The following C18orf32 variants were observed in gnomAD, a reference collection of about 807,000 sequenced individuals.
The protein encoded by C18orf32 is UPF0729 protein C18orf32.
C18orf32 carries 5 observed loss-of-function variants against 7.4 expected under a neutral mutation model. That is an observed-to-expected ratio of 0.68 (90% CI 0.35 to 1.42). C18orf32 has a LOEUF of 1.42. Among genes scored for constraint, C18orf32 ranks in the 40% most tolerant of loss-of-function variants. The pLI, the probability that C18orf32 is intolerant of heterozygous loss-of-function variation, is 0.04. For synonymous variants in C18orf32, 30 were observed against 29.3 expected (o/e 1.02, Z -0.08); for missense variants, 88 against 92.4 (o/e 0.95, Z 0.19).
chr18:49,486,123 A>G (rs568625698), intron 1 of C18orf32: 17 of 150,904 alleles, frequency 1.1e-4, no homozygotes, highest in Non-Finnish European at 2.2e-4. Context: ...TAACCTGTCC[A>G]AAGTTCTCAC....
rs575974403 is a variant in C18orf32 at position 49,478,869 on chromosome 18, G to A, written c.*3476C>T. Reference sequence around the variant, plus strand: ...TTCATAAAATTAACACTTTTCATACGCTTATTCAAACTGATGGCTATTTTT... The same window carrying A: ...TTCATAAAATTAACACTTTTCATACACTTATTCAAACTGATGGCTATTTTT... On this transcript the variant is annotated 3_prime_UTR_variant, in exon 3 of 3. Coordinates refer to ENST00000318240, the MANE Select transcript of C18orf32 (RefSeq NM_001035005.4). The A allele has an allele frequency of 1.3e-4, 18 of 141,050 alleles. No homozygotes were observed. The highest frequency in any genetic ancestry group is 6.2e-4 in the South Asian group (3 of 4,816). The allele number at this position is 141,050 out of a possible 1,614,324, so 8.7% of individuals were successfully genotyped here.
Position 49,481,511 on chromosome 18 carries a change from C to G in C18orf32, c.*834G>C, listed in dbSNP as rs1385920993. The G allele has an allele frequency of 1.3e-5, 2 of 152,272 alleles. No homozygotes were observed. Among genetic ancestry groups the G allele is most frequent in the Non-Finnish European group, 2.9e-5 (2 of 68,102 alleles). The allele number at this position is 152,272 out of a possible 1,614,324, so 9.4% of individuals were successfully genotyped here. ...GTCGAGTCACTGCTGCTGAAAACCA[C>G]TAAATTTTGGAGTGTCTTGTTACGC... is the stretch of plus-strand genomic sequence containing the variant. On this transcript the variant is annotated 3_prime_UTR_variant, in exon 3 of 3. Coordinates refer to ENST00000318240, the MANE Select transcript of C18orf32 (RefSeq NM_001035005.4).
At chr18:49,484,135 A>G (rs2083703189) in intron 1 of C18orf32, among the ~76,000 whole-genome samples, 1 of 67,248 alleles carries the variant, frequency 1.5e-5, no homozygotes, top group Admixed American at 1.8e-4. Flanking sequence ...TCTCAAAAAA[A>G]GAAAAAAAAA....
chr18:49,485,933 G>C (rs2083737450), intron 1 of C18orf32: 1 of 151,642 alleles, frequency 6.6e-6, no homozygotes, highest in Non-Finnish European at 1.5e-5. Context: ...TAAATAATTA[G>C]CAAGGTGTGA....
In C18orf32 at chr18:49,479,033, T is replaced by C. The variant is rs1385152219; in HGVS notation, c.*3312A>G. 6.6e-6 allele frequency: 1 copy of C among 152,108 alleles called. No individual in the cohort carries two copies. The highest frequency in any genetic ancestry group is 1.5e-5 in the Non-Finnish European group (1 of 68,030). 9.4% of individuals were successfully genotyped at this position (152,108 alleles called of 1,614,324 possible). Reference sequence around the variant, plus strand: ...GGCAATTGCATACTAGCCACCCCTATCCTGCTTTTAAAATGTTGCTAGTAT... The same window carrying C: ...GGCAATTGCATACTAGCCACCCCTACCCTGCTTTTAAAATGTTGCTAGTAT... On this transcript the variant is annotated 3_prime_UTR_variant, in exon 3 of 3. Coordinates refer to ENST00000318240, the MANE Select transcript of C18orf32 (RefSeq NM_001035005.4).
chr18:49,483,662 G>T lies in C18orf32; in HGVS notation c.87C>A (p.Ser29=). ...FLEPYIYPLV[S]PFVSRIWPKK... is the part of the protein sequence containing the mutation. ...TAGGCCATATACGACTAACGAAGGG[G>T]GAAACCAGAGGGTATATATATGGCT... Residue 29 remains serine, a synonymous_variant, in exon 2 of 3, where the codon TCC becomes TCA. Transcript: ENST00000318240. 1 of 1,613,770 alleles carries T rather than the reference G, an allele frequency of 6.2e-7. No individual in the cohort carries two copies. Among genetic ancestry groups the T allele is most frequent in the Non-Finnish European group, 8.5e-7 (1 of 1,179,944 alleles).
At position 49,478,556 on chromosome 18, in the gene C18orf32, C is replaced by G. The variant is rs2148806085; in HGVS notation, c.*3789G>C. The stretch of plus-strand genomic sequence containing the variant: ...TGGGATTATAGGCTTGAGTCACCGC[C>G]TCCGGTGGATCCTGTTTTCTTGACT... On this transcript the variant is annotated 3_prime_UTR_variant, in exon 3 of 3. Coordinates refer to ENST00000318240, the MANE Select transcript of C18orf32 (RefSeq NM_001035005.4). 1 of 150,622 alleles carries G rather than the reference C, an allele frequency of 6.6e-6. No homozygotes were observed. Among genetic ancestry groups the G allele is most frequent in the East Asian group, 1.9e-4 (1 of 5,172 alleles). 9.3% of individuals were successfully genotyped at this position (150,622 alleles called of 1,614,324 possible).
rs1225006732 is a variant in C18orf32, at chr18:49,479,678, T to C, written c.*2667A>G. ...ACAGTGACTTCTGGCTGAGGAACAG[T>C]TGGCCTGAGGTGACCTTGCAGAGAG... On this transcript the variant is annotated 3_prime_UTR_variant, in exon 3 of 3. Transcript: ENST00000318240. The C allele has an allele frequency of 6.6e-6, 1 of 152,302 alleles. No individual in the cohort carries two copies. Among genetic ancestry groups the C allele is most frequent in the Non-Finnish European group, 1.5e-5 (1 of 68,154 alleles). 9.4% of individuals were successfully genotyped at this position (152,302 alleles called of 1,614,324 possible).
In C18orf32 at chr18:49,480,733, T is replaced by TA. The variant is rs1449558679; in HGVS notation, c.*1611_*1612insT. ...CCATAGAGAGCCGTGATCATGCTGC[T>TA]GCACTCCAGCTTGAGTGACAGAGTG... is the stretch of plus-strand genomic sequence containing the variant. On this transcript the variant is annotated 3_prime_UTR_variant, in exon 3 of 3. Transcript: ENST00000318240. The TA allele has an allele frequency of 2.0e-5, 3 of 152,236 alleles. No individual in the cohort carries two copies. Among genetic ancestry groups the TA allele is most frequent in the African/African-American group, 7.2e-5 (3 of 41,456 alleles). 9.4% of individuals were successfully genotyped at this position (152,236 alleles called of 1,614,324 possible).
At chr18:49,485,282 C>G (rs545361391) in intron 1 of C18orf32, among the ~76,000 whole-genome samples, 2 of 151,758 alleles carry the variant, frequency 1.3e-5, no homozygotes, top group Non-Finnish European at 2.9e-5. Flanking sequence ...AGGCTGGGCG[C>G]GGTGGCTCAC....
At chr18:49,484,488 G>A (rs1477425508) in intron 1 of C18orf32, 1 of 151,842 alleles carries the variant, frequency 6.6e-6, no homozygotes, top group African/African-American at 2.4e-5. Context: ...CTACTCGGAA[G>A]GCTGAGGCAG....
In C18orf32 at chr18:49,482,274, C is replaced by A. The variant is rs2083670091; in HGVS notation, c.*71G>T. On this transcript the variant is annotated 3_prime_UTR_variant, in exon 3 of 3. Transcript: ENST00000318240. The stretch of plus-strand genomic sequence containing the variant: ...CGGTCTCAGATAAAAAGGTCAGAGA[C>A]AATTACAAGGAAGATGCTTCATATT... 1 of 1,080,004 alleles carries A rather than the reference C, an allele frequency of 9.3e-7. No homozygotes were observed. Among genetic ancestry groups the A allele is most frequent in the South Asian group, 1.3e-5 (1 of 78,306 alleles). The allele number at this position is 1,080,004 out of a possible 1,614,324, so 66.9% of individuals were successfully genotyped here. A position where few individuals can be genotyped will look rare whatever the true frequency, so the allele number is the denominator to read the frequency against.
intron 2 of C18orf32, among the ~76,000 whole-genome samples, chr18:49,483,112 C>G (rs2083685014): frequency 6.6e-6 from 1 of 152,134 alleles, no homozygotes; most frequent in African/African-American, 2.4e-5. Context: ...GAAACATTCT[C>G]TTTAAAAACA....
In C18orf32 at chr18:49,480,394, C is replaced by A. The variant is rs1029717286; in HGVS notation, c.*1951G>T. 6.6e-6 allele frequency: 1 copy of A among 151,838 alleles called. No individual in the cohort carries two copies. Among genetic ancestry groups the A allele is most frequent in the Non-Finnish European group, 1.5e-5 (1 of 67,986 alleles). The allele number at this position is 151,838 out of a possible 1,614,324, so 9.4% of individuals were successfully genotyped here. A position where few individuals can be genotyped will look rare whatever the true frequency, so the allele number is the denominator to read the frequency against. The stretch of plus-strand genomic sequence containing the variant: ...GGAGATAAATTTAAAAAGCCCACAG[C>A]TCAGTAGGTAAAACCTTTGAGGAGC... On this transcript the variant is annotated 3_prime_UTR_variant, in exon 3 of 3. Coordinates refer to ENST00000318240, the MANE Select transcript of C18orf32 (RefSeq NM_001035005.4).
At chr18:49,485,723 G>C (rs966008302) in intron 1 of C18orf32, among the ~76,000 whole-genome samples, 4 of 151,546 alleles carry the variant, frequency 2.6e-5, no homozygotes, top group Non-Finnish European at 4.4e-5. Flanking sequence ...CCAGAATCAA[G>C]CTATCCCCCT....
rs1022628939 is a variant in C18orf32, at chr18:49,479,808, T to C, written c.*2537A>G. ...CAGCAGAACCCAGAGACATGGGAAG[T>C]CTGTTGATGTCTATACAGCTTCCTT... is the stretch of plus-strand genomic sequence containing the variant. On this transcript the variant is annotated 3_prime_UTR_variant, in exon 3 of 3. Transcript: ENST00000318240. The C allele has an allele frequency of 2.0e-5, 3 of 152,232 alleles. No individual in the cohort carries two copies. Among genetic ancestry groups the C allele is most frequent in the African/African-American group, 7.2e-5 (3 of 41,414 alleles). The allele number at this position is 152,232 out of a possible 1,614,324, so 9.4% of individuals were successfully genotyped here.
In C18orf32 at chr18:49,482,372, T is replaced by C. The variant is rs763379711; in HGVS notation, c.204A>G (p.Thr68=). The part of the protein sequence containing the change: ...DMNGLPTKGP[T]EICDKKKD ...AGTCTTTCTTTTTATCACAGATTTC[T>C]GTTGGTCCTTTTGTTGGTAATCCAT... The change falls in exon 3 of 3, where the codon ACA becomes ACG. Residue 68 remains threonine (T), a synonymous_variant. Coordinates refer to ENST00000318240, the MANE Select transcript of C18orf32 (RefSeq NM_001035005.4). 6.2e-7 allele frequency: 1 copy of C among 1,613,188 alleles called. No individual in the cohort carries two copies. The highest frequency in any genetic ancestry group is 8.5e-7 in the Non-Finnish European group (1 of 1,179,462).
intron 2 of C18orf32, among the ~76,000 whole-genome samples, chr18:49,482,887 C>T (rs1314585729): frequency 6.6e-6 from 1 of 151,068 alleles, no homozygotes. Flanking sequence ...AAACCTCTGC[C>T]ACCCAGGTTC....
At chr18:49,484,494 G>C (rs1023923953) in intron 1 of C18orf32, 2 of 151,602 alleles carry the variant, frequency 1.3e-5, no homozygotes, top group Non-Finnish European at 2.9e-5. Flanking sequence ...GGAAGGCTGA[G>C]GCAGAATTGC....
Sources: gnomAD v4.1 joint callset for allele counts (sites outside exome capture counted in the v4.1 genomes callset) on GRCh38, gnomAD v4.1.1 for gene constraint, MANE v1.5 for transcripts, NCBI Gene and HGNC (gene_info 2026-07-23, HGNC 2026-07-21) for gene names.